The following RBFOX1 variants were observed in gnomAD, a reference collection of about 807,000 sequenced individuals.
RBFOX1 encodes RNA binding protein fox-1 homolog 1.
A neutral mutation model predicts 57.7 loss-of-function variants in RBFOX1; 8 were observed. The observed-to-expected ratio is 0.14, with a 90% CI of 0.08 to 0.25. The LOEUF (loss-of-function observed/expected upper bound fraction) is 0.25. Among genes scored for constraint, RBFOX1 ranks in the 10% least tolerant of loss-of-function variants. The pLI, the probability that RBFOX1 is intolerant of heterozygous loss-of-function variation, is 1.00. For missense variants in RBFOX1, 611 were observed against 548.5 expected (o/e 1.11, Z -1.14); for synonymous variants, 326 against 222.4 (o/e 1.47, Z -4.15).
chr16:7,506,896 A>G (rs763289989), intron 4 of RBFOX1, among the ~76,000 whole-genome samples: 8 of 152,184 alleles, frequency 5.3e-5, no homozygotes, highest in Non-Finnish European at 1.0e-4. Flanking sequence ...CAGAGGAAGA[A>G]CTTCACTGGA....
intron 4 of RBFOX1, among the ~76,000 whole-genome samples, chr16:5,989,044 G>C (rs1470732465): frequency 6.6e-6 from 1 of 152,020 alleles, no homozygotes; most frequent in Non-Finnish European, 1.5e-5. Flanking sequence ...TTACAAGCCA[G>C]GCGCGGTGGC....
At chr16:5,328,954 C>T (rs564663532) in intron 1 of RBFOX1, among the ~76,000 whole-genome samples, 3 of 152,218 alleles carry the variant, frequency 2.0e-5, no homozygotes, top group Admixed American at 6.5e-5. Context: ...GAGATGCTTC[C>T]GAATACTTTA....
At chr16:6,559,603 T>G (rs970672787) in intron 2 of RBFOX1, among the ~76,000 whole-genome samples, 1 of 144,814 alleles carries the variant, frequency 6.9e-6, no homozygotes, top group Non-Finnish European at 1.5e-5. Flanking sequence ...TGGGTGTATG[T>G]GTATATATAT....
intron 2 of RBFOX1, among the ~76,000 whole-genome samples, chr16:5,507,489 A>G (rs979739970): frequency 3.3e-5 from 5 of 152,252 alleles, no homozygotes; most frequent in Non-Finnish European, 7.4e-5. Flanking sequence ...AGTGGGCTGG[A>G]ATTGGCAGAG....
chr16:5,897,016 C>CTATTTTTTTTTT (rs2058182153), intron 4 of RBFOX1, among the ~76,000 whole-genome samples: 1 of 56,458 alleles, frequency 1.8e-5, no homozygotes, highest in African/African-American at 7.7e-5. Context: ...TATCCATCCG[C>CTATTTTTTTTTT]TTTTTTTTTT....
chr16:7,203,991 C>G (rs763567928), intron 4 of RBFOX1, among the ~76,000 whole-genome samples: 1 of 152,238 alleles, frequency 6.6e-6, no homozygotes, highest in Non-Finnish European at 1.5e-5. Context: ...ACATCACTTA[C>G]GTTATATTTT....
chr16:7,369,512 T>C (rs936011338), intron 4 of RBFOX1, among the ~76,000 whole-genome samples: 6 of 152,242 alleles, frequency 3.9e-5, no homozygotes, highest in African/African-American at 1.4e-4. Flanking sequence ...TTTGCATTCC[T>C]AGTTACTCTT....
chr16:7,153,612 G>T (rs2076509388), intron 4 of RBFOX1, among the ~76,000 whole-genome samples: 2 of 151,624 alleles, frequency 1.3e-5, no homozygotes, highest in Non-Finnish European at 2.9e-5. Context: ...TGGTGGTGGG[G>T]GGAGGGGGGC....
intron 10 of RBFOX1, among the ~76,000 whole-genome samples, chr16:7,620,873 G>C (rs1020185868): frequency 6.6e-6 from 1 of 152,154 alleles, no homozygotes; most frequent in Non-Finnish European, 1.5e-5. Flanking sequence ...ATAAGAAAAA[G>C]ACGTGCATGT....
chr16:7,277,142 A>C (rs2095456136), intron 4 of RBFOX1, among the ~76,000 whole-genome samples: 1 of 152,252 alleles, frequency 6.6e-6, no homozygotes, highest in Non-Finnish European at 1.5e-5. Flanking sequence ...TCTCAGAAGA[A>C]ACATTAAAAA....
At chr16:5,444,225 T>C (rs754093425) in intron 1 of RBFOX1, among the ~76,000 whole-genome samples, 1 of 152,224 alleles carries the variant, frequency 6.6e-6, no homozygotes, top group African/African-American at 2.4e-5. Flanking sequence ...GATTAAAGTA[T>C]GGATTGTTGA....
intron 3 of RBFOX1, among the ~76,000 whole-genome samples, chr16:7,048,066 A>G (rs2048655446): frequency 6.6e-6 from 1 of 151,874 alleles, no homozygotes; most frequent in Non-Finnish European, 1.5e-5. Context: ...TTTAGTAGAG[A>G]AGGGGTTTCA....
chr16:5,889,719 G>A (rs2057999272), intron 4 of RBFOX1, among the ~76,000 whole-genome samples: 1 of 152,232 alleles, frequency 6.6e-6, no homozygotes, highest in African/African-American at 2.4e-5. Flanking sequence ...CCATGCTAGA[G>A]GGATCTCACC....
Position 6,732,803 on chromosome 16 carries a change from G to T in RBFOX1, c.-16+78153G>T, listed in dbSNP as rs536481740. 3.9e-5 allele frequency among the ~76,000 whole-genome samples: 6 copies of T among 152,276 alleles called. No individual in the cohort carries two copies. In the South Asian group the frequency reaches 1.2e-3, roughly 32 times the overall value. On this transcript the variant is annotated intron_variant, in intron 3 of 15. Coordinates refer to ENST00000550418, the MANE Select transcript of RBFOX1 (RefSeq NM_018723.4). ...TACATTTTTGAAGAGTAAATAATGA[G>T]GTGGAGTTTTTTTGTTCATGTTTTT...
At chr16:6,613,662 T>A (rs1190813295) in intron 2 of RBFOX1, among the ~76,000 whole-genome samples, 1 of 152,212 alleles carries the variant, frequency 6.6e-6, no homozygotes, top group Non-Finnish European at 1.5e-5. Context: ...GTAACATAAG[T>A]AGTGTGTTAT....
chr16:7,460,389 A>ATATATATATATATATATATGTGTGTG, intron 4 of RBFOX1, among the ~76,000 whole-genome samples: 70 of 87,174 alleles, frequency 8.0e-4, no homozygotes, highest in South Asian at 5.4e-3. Flanking sequence ...ATATATATAT[A>ATATATATATATATATATATGTGTGTG]TGTGTGTGTG....
intron 3 of RBFOX1, among the ~76,000 whole-genome samples, chr16:7,012,035 A>G (rs997564204): frequency 1.3e-5 from 2 of 152,130 alleles, no homozygotes; most frequent in African/African-American, 4.8e-5. Flanking sequence ...AGGTCAAATC[A>G]GATTATCCAG....
chr16:6,654,913 C>T (rs958494014), intron 3 of RBFOX1, among the ~76,000 whole-genome samples: 1 of 152,030 alleles, frequency 6.6e-6, no homozygotes, highest in South Asian at 2.1e-4. Context: ...TCATACCCTT[C>T]TTTTCAGGAA....
intron 2 of RBFOX1, among the ~76,000 whole-genome samples, chr16:6,613,014 T>G (rs1047593627): frequency 8.8e-6 from 1 of 113,448 alleles, no homozygotes; most frequent in African/African-American, 3.2e-5. Flanking sequence ...TGTGTGTGTG[T>G]GTGTGTGTGT....
Sources: allele counts gnomAD v4.1 joint callset (sites outside exome capture counted in the v4.1 genomes callset), GRCh38; gene constraint gnomAD v4.1.1; transcripts MANE v1.5; gene names NCBI Gene and HGNC (gene_info 2026-07-23, HGNC 2026-07-21).